Variants in CPNE4 observed in about 807,000 individuals in gnomAD.
CPNE4 encodes copine 4, also known as copine-4.
Under a neutral mutation model 67.9 loss-of-function variants are expected in CPNE4, and 25 were observed. The observed-to-expected ratio is 0.37, with a 90% CI of 0.27 to 0.51. The LOEUF (loss-of-function observed/expected upper bound fraction) is 0.51. Ranked by LOEUF, CPNE4 falls within the 20% of genes least tolerant of loss-of-function variation. The pLI, the probability that CPNE4 is intolerant of heterozygous loss-of-function variation, is 0.93. For missense variants in CPNE4, 464 were observed against 690.8 expected, an observed-to-expected ratio of 0.67 and a Z score of 3.68; for synonymous variants, 242 against 244.9, an observed-to-expected ratio of 0.99 and a Z score of 0.11.
intron 1 of CPNE4, among the ~76,000 whole-genome samples, chr3:132,000,132 T>C (rs550095779): frequency 1.0e-3 from 154 of 151,622 alleles, no homozygotes; most frequent in Non-Finnish European, 1.9e-3. Context: ...GACCAACTCA[T>C]ATGAACTAAT....
At chr3:131,766,108 G>A (rs1409089441) in intron 2 of CPNE4, among the ~76,000 whole-genome samples, 2 of 152,104 alleles carry the variant, frequency 1.3e-5, no homozygotes, top group Non-Finnish European at 2.9e-5. Flanking sequence ...TGGTTCAAGG[G>A]ATAACCTCCG....
At chr3:131,545,574 T>G (rs921105277) in intron 14 of CPNE4, among the ~76,000 whole-genome samples, 8 of 152,206 alleles carry the variant, frequency 5.3e-5, no homozygotes, top group Admixed American at 3.9e-4. Flanking sequence ...TTTCAATGTA[T>G]TATTTATGTT....
chr3:131,806,763 C>T (rs1277532678), intron 2 of CPNE4, among the ~76,000 whole-genome samples: 4 of 152,138 alleles, frequency 2.6e-5, no homozygotes, highest in African/African-American at 4.8e-5. Context: ...AACATGTGGT[C>T]ACTCCATGTC....
At position 131,905,352 on chromosome 3, in the gene CPNE4, G is replaced by C. The variant is rs762158244; in HGVS notation, c.92C>G (p.Ala31Gly). 1 of 1,613,546 alleles carries C rather than the reference G, an allele frequency of 6.2e-7. No individual in the cohort carries two copies. The highest frequency in any genetic ancestry group is 8.5e-7 in the Non-Finnish European group (1 of 1,179,694). ...ATCTCTGTCAGAAATGCCTTTGCAC[G>C]CCACACGCAGCTCAACTTTGGTCAG... ...PCLTKVELRV[A>G]CKGISDRDAL... The change falls in exon 2 of 16, where the codon GCG becomes GGG. Residue 31 changes from alanine to glycine, a missense_variant. Around this residue, in one of 6 missense-constraint regions of CPNE4, gnomAD observed 170 missense variants for 203.3 expected, o/e 0.84. Transcript: ENST00000429747.
chr3:131,820,604 T>C lies in CPNE4; in HGVS notation c.180+84660A>G, dbSNP rs115178995. On this transcript the variant is annotated intron_variant, in intron 2 of 15. Transcript: ENST00000429747. The stretch of plus-strand genomic sequence containing the variant: ...TGCTTTACTTATTTTGCATTTGCAA[T>C]TATTACAAACATCTCTTTCTAATAG... 3.2e-3 allele frequency among the ~76,000 whole-genome samples: 486 copies of C among 152,362 alleles called. 2 individuals carry two copies. The highest frequency in any genetic ancestry group is 0.012 in the African/African-American group (479 of 41,578).
At chr3:131,700,171 T>C (rs2081262943) in intron 3 of CPNE4, among the ~76,000 whole-genome samples, 191 bp from the exon 4 acceptor site, 3 of 151,832 alleles carry the variant, frequency 2.0e-5, no homozygotes, top group Admixed American at 2.0e-4. Flanking sequence ...CTCTTTCTTC[T>C]TATGGTGTGT....
chr3:131,674,658 G>A (rs144641082), intron 6 of CPNE4, among the ~76,000 whole-genome samples: 1 of 151,712 alleles, frequency 6.6e-6, no homozygotes, highest in Admixed American at 6.6e-5. Flanking sequence ...TGCAGTATTT[G>A]TTATAATGTC....
intron 2 of CPNE4, among the ~76,000 whole-genome samples, chr3:131,773,158 G>C (rs1266856119): frequency 6.6e-6 from 1 of 152,008 alleles, no homozygotes; most frequent in African/African-American, 2.4e-5. Context: ...AAATGAGGTA[G>C]TATAATAAAG....
At chr3:131,905,109 C>G (rs1019548907) in intron 2 of CPNE4, among the ~76,000 whole-genome samples, 155 bp downstream of exon 2, 1 of 152,162 alleles carries the variant, frequency 6.6e-6, no homozygotes, top group Non-Finnish European at 1.5e-5. Flanking sequence ...AACATCAAAA[C>G]AGCAACATCA....
chr3:131,604,780 C>A (rs753917337), intron 7 of CPNE4, among the ~76,000 whole-genome samples: 37 of 151,522 alleles, frequency 2.4e-4, no homozygotes, highest in Non-Finnish European at 4.0e-4. Context: ...ATATATATAT[C>A]TAGTCTATTA....
chr3:131,952,456 CGT>C (rs1560665538), intron 1 of CPNE4, among the ~76,000 whole-genome samples: 48 of 150,402 alleles, frequency 3.2e-4, no homozygotes, highest in Non-Finnish European at 6.0e-5. Context: ...GCAGCCACCC[CGT>C]CCGGGAGGGA....
Position 131,699,996 on chromosome 3 carries a change from C to CA in CPNE4, c.361-17dup. On this transcript the variant is annotated splice_polypyrimidine_tract_variant and intron_variant, in intron 3 of 15. Transcript: ENST00000429747. ...GGGAAACAATCTGCAAAAAAGGAAA[C>CA]AAAAGGTAACAAAAGGTAGAGATAC... The CA allele has an allele frequency of 6.8e-7, 1 of 1,463,878 alleles. No individual in the cohort carries two copies. The highest frequency in any genetic ancestry group is 9.2e-7 in the Non-Finnish European group (1 of 1,081,948). The allele number at this position is 1,463,878 out of a possible 1,614,324, so 90.7% of individuals were successfully genotyped here. A position where few individuals can be genotyped will look rare whatever the true frequency, so the allele number is the denominator to read the frequency against.
intron 7 of CPNE4, among the ~76,000 whole-genome samples, chr3:131,643,093 T>C (rs772873973): frequency 1.6e-4 from 24 of 152,186 alleles, no homozygotes; most frequent in East Asian, 1.2e-3. Context: ...AAAATGGTGA[T>C]AGGGATATGG....
At chr3:131,736,201 G>T (rs1351777929) in intron 2 of CPNE4, among the ~76,000 whole-genome samples, 1 of 152,130 alleles carries the variant, frequency 6.6e-6, no homozygotes, top group South Asian at 2.1e-4. Flanking sequence ...TTCCACGGTG[G>T]CCCAATGACT....
intron 1 of CPNE4, among the ~76,000 whole-genome samples, chr3:132,028,566 T>C (rs2074166546): frequency 6.6e-6 from 1 of 152,128 alleles, no homozygotes. Context: ...CATTTAAAAA[T>C]AAAATGGTGA....
intron 2 of CPNE4, among the ~76,000 whole-genome samples, chr3:131,738,252 C>T (rs753443424): frequency 6.6e-6 from 1 of 152,236 alleles, no homozygotes; most frequent in Non-Finnish European, 1.5e-5. Context: ...AGATATACAG[C>T]ACATGTGACA....
At chr3:131,614,683 CA>C (rs1221955091) in intron 7 of CPNE4, among the ~76,000 whole-genome samples, 2 of 151,984 alleles carry the variant, frequency 1.3e-5, no homozygotes, top group Non-Finnish European at 2.9e-5. Context: ...GAGGTGGGGT[CA>C]GGGGCAGCCT....
chr3:131,834,317 A>G (rs3842998), intron 2 of CPNE4, among the ~76,000 whole-genome samples: 129,793 of 152,112 alleles, frequency 0.85, 56,021 homozygotes, highest in East Asian at 1. Flanking sequence ...TTTGGCTCAT[A>G]CACTTGTTTA....
chr3:131,762,530 C>T (rs565097884), intron 2 of CPNE4, among the ~76,000 whole-genome samples: 12 of 151,826 alleles, frequency 7.9e-5, no homozygotes, highest in Admixed American at 1.3e-4. Context: ...TACTGTATAC[C>T]GCATATCATT....
Sources: allele counts gnomAD v4.1 joint callset (sites outside exome capture counted in the v4.1 genomes callset), GRCh38; gene constraint gnomAD v4.1.1; regional missense constraint gnomAD v4.1.1; transcripts MANE v1.5; gene names NCBI Gene and HGNC (gene_info 2026-07-23, HGNC 2026-07-21).